The following SHISA5 variants were observed in gnomAD, a reference collection of about 807,000 sequenced individuals.
SHISA5 encodes shisa family member 5.
Under a neutral mutation model 27.5 loss-of-function variants are expected in SHISA5, and 21 were observed. The observed-to-expected ratio is 0.76, with a 90% CI of 0.54 to 1.10. SHISA5 has a LOEUF of 1.10. Among genes scored for constraint, SHISA5 ranks in the 50% least tolerant of loss-of-function variants. The pLI, the probability that SHISA5 is intolerant of heterozygous loss-of-function variation, is 0.00. For synonymous variants in SHISA5, 137 were observed against 142.2 expected (o/e 0.96, Z 0.26); for missense variants, 314 against 336.3 (o/e 0.93, Z 0.52).
Position 48,468,566 on chromosome 3 carries a change from C to T in SHISA5, c.*541G>A. The T allele has an allele frequency of 8.4e-7, 1 of 1,189,632 alleles. No homozygotes were observed. The allele number at this position is 1,189,632 out of a possible 1,614,324, so 73.7% of individuals were successfully genotyped here. A position where few individuals can be genotyped will look rare whatever the true frequency, so the allele number is the denominator to read the frequency against. ...ATCTGCCCAAAGGATCAAAGTCCAA[C>T]TTGGCCAGATCCCAAGCTTCGCCTG... On this transcript the variant is annotated 3_prime_UTR_variant, in exon 6 of 6. Coordinates refer to ENST00000296444, the MANE Select transcript of SHISA5 (RefSeq NM_016479.6).
At chr3:48,486,953 AACCC>A (rs891912417) in intron 2 of SHISA5, among the ~76,000 whole-genome samples, 2 of 151,172 alleles carry the variant, frequency 1.3e-5, no homozygotes, top group Non-Finnish European at 2.9e-5. Flanking sequence ...AGAAAAGAAA[AACCC>A]ACAGGTGGCC....
chr3:48,499,864 CAAA>C (rs55724575), intron 2 of SHISA5, among the ~76,000 whole-genome samples: 2 of 47,036 alleles, frequency 4.3e-5, no homozygotes, highest in Non-Finnish European at 7.8e-5. Flanking sequence ...GACTCCGTCT[CAAA>C]AAAAAAAAAA....
chr3:48,469,159 C>T lies in SHISA5; in HGVS notation c.671G>A (p.Ser224Asn). ...GTAGGCCGGGTTGTAAGGAGGCTGG[C>T]TGGCGGGGTAGGGCGCGGCTGCTCC... ...AGGAAAPYPA[S>N]QPPYNPAYMD... Residue 224 changes from serine (S) to asparagine (N), a missense_variant, in exon 6 of 6, where the codon AGC becomes AAC. Transcript: ENST00000296444. This position sits in a 1 kb window ranked among gnomAD's most constrained non-coding sequence, Gnocchi z 4.6. The T allele has an allele frequency of 6.2e-7, 1 of 1,612,780 alleles. No individual in the cohort carries two copies.
intron 2 of SHISA5, among the ~76,000 whole-genome samples, chr3:48,487,818 C>A (rs186750306): frequency 2.7e-4 from 41 of 152,268 alleles, no homozygotes; most frequent in African/African-American, 9.6e-4. Context: ...ATCGCTTGAA[C>A]CTGGGAGGCA....
chr3:48,480,674 G>C (rs543591623), intron 2 of SHISA5, among the ~76,000 whole-genome samples: 1 of 151,994 alleles, frequency 6.6e-6, no homozygotes, highest in African/African-American at 2.4e-5. Flanking sequence ...CAGGAGAATC[G>C]CTTGAACCCA....
At chr3:48,494,528 C>T (rs1280098451) in intron 2 of SHISA5, among the ~76,000 whole-genome samples, 2 of 147,020 alleles carry the variant, frequency 1.4e-5, no homozygotes, top group African/African-American at 2.7e-5. Flanking sequence ...CTCCTGACCT[C>T]GTGATCCACC....
intron 2 of SHISA5, among the ~76,000 whole-genome samples, chr3:48,489,911 T>C (rs933194758): frequency 2.0e-5 from 3 of 152,114 alleles, no homozygotes; most frequent in African/African-American, 7.2e-5. Context: ...ATTAAAGGCG[T>C]CAGCCATCAT....
At chr3:48,485,680 A>G (rs1221834364) in intron 2 of SHISA5, among the ~76,000 whole-genome samples, 8 of 147,688 alleles carry the variant, frequency 5.4e-5, no homozygotes, top group Non-Finnish European at 1.2e-4. Flanking sequence ...ATATAATATT[A>G]TATACATTTA....
At chr3:48,486,252 T>C (rs1490661597) in intron 2 of SHISA5, among the ~76,000 whole-genome samples, 86 of 180 alleles carry the variant, frequency 0.48, 11 homozygotes, top group African/African-American at 0.54. Flanking sequence ...ATATTATATA[T>C]TATATATAAT....
Position 48,473,182 on chromosome 3 carries a change from T to C in SHISA5, c.315-3339A>G, listed in dbSNP as rs2040704690. The C allele has an allele frequency of 2.1e-6, 3 of 1,436,592 alleles. No homozygotes were observed. The highest frequency in any genetic ancestry group is 2.7e-6 in the Non-Finnish European group (3 of 1,098,458). The allele number at this position is 1,436,592 out of a possible 1,614,324, so 89.0% of individuals were successfully genotyped here. On this transcript the variant is annotated intron_variant, in intron 3 of 5. Coordinates refer to ENST00000296444, the MANE Select transcript of SHISA5 (RefSeq NM_016479.6). This position sits in a 1 kb window ranked among gnomAD's most constrained non-coding sequence, Gnocchi z 4.3. The stretch of plus-strand genomic sequence containing the variant: ...ACAGACGCGAAGCCCCGTTCCACCC[T>C]CTTAAAGACACAGGATGGCCCCGCC...
chr3:48,498,423 A>AG (rs764910510), intron 2 of SHISA5, among the ~76,000 whole-genome samples: 1 of 152,210 alleles, frequency 6.6e-6, no homozygotes, highest in Non-Finnish European at 1.5e-5. Context: ...GCAGTGGCTC[A>AG]TGCCTGTAAT....
At chr3:48,503,206 C>T in intron 1 of SHISA5, 1 of 1,287,766 alleles carries the variant, frequency 7.8e-7, no homozygotes, top group Non-Finnish European at 1.0e-6. Flanking sequence ...GAAGACACAC[C>T]GGTGAGGCTG....
chr3:48,473,287 AGAGCTGCCTCCCT>A lies in SHISA5; in HGVS notation c.315-3457_315-3445del. ...AGCAGAGGTGCCCCATTTGCCTCCC[AGAGCTGCCTCCCT>A]GAGCCAAGCCTACAGGGCCTGACCT... On this transcript the variant is annotated intron_variant, in intron 3 of 5. Transcript: ENST00000296444. The surrounding 1 kb of genome is among the most constrained non-coding windows in gnomAD (Gnocchi z 4.3). 1 of 1,395,040 alleles carries A rather than the reference AGAGCTGCCTCCCT, an allele frequency of 7.2e-7. No homozygotes were observed. The highest frequency in any genetic ancestry group is 9.3e-7 in the Non-Finnish European group (1 of 1,070,458). The allele number at this position is 1,395,040 out of a possible 1,614,324, so 86.4% of individuals were successfully genotyped here. A position where few individuals can be genotyped will look rare whatever the true frequency, so the allele number is the denominator to read the frequency against.
intron 2 of SHISA5, among the ~76,000 whole-genome samples, chr3:48,486,558 TAG>T (rs2107347606): frequency 8.1e-6 from 1 of 124,136 alleles, no homozygotes; most frequent in African/African-American, 3.1e-5. Context: ...ATATATTATA[TAG>T]ATTATAGATT....
At chr3:48,486,789 G>A (rs1478081442) in intron 2 of SHISA5, among the ~76,000 whole-genome samples, 1 of 149,788 alleles carries the variant, frequency 6.7e-6, no homozygotes, top group Non-Finnish European at 1.5e-5. Context: ...GCGCATGCCT[G>A]TAATCCCTGC....
intron 3 of SHISA5, among the ~76,000 whole-genome samples, chr3:48,477,816 T>C (rs774698768): frequency 1.7e-4 from 26 of 152,308 alleles, no homozygotes; most frequent in Non-Finnish European, 3.5e-4. Context: ...AGCTGCTGAA[T>C]GTAAGTCTCC....
intron 2 of SHISA5, among the ~76,000 whole-genome samples, chr3:48,496,560 G>A (rs945086336): frequency 1.3e-5 from 2 of 150,246 alleles, no homozygotes; most frequent in Non-Finnish European, 3.0e-5. Flanking sequence ...ATGAAACCCC[G>A]TCTCTACTAA....
At chr3:48,495,539 G>A (rs1206642632) in intron 2 of SHISA5, among the ~76,000 whole-genome samples, 7 of 145,676 alleles carry the variant, frequency 4.8e-5, no homozygotes, top group African/African-American at 1.9e-4. Context: ...TCGGGGGCAG[G>A]GATGGAGTCT....
At chr3:48,483,546 T>C (rs2041092753) in intron 2 of SHISA5, among the ~76,000 whole-genome samples, 2 of 152,186 alleles carry the variant, frequency 1.3e-5, no homozygotes, top group African/African-American at 2.4e-5. Context: ...CCTTTCCCCC[T>C]TTTCTATCCC....
Sources: allele counts gnomAD v4.1 joint callset (sites outside exome capture counted in the v4.1 genomes callset), GRCh38; gene constraint gnomAD v4.1.1; non-coding constraint Gnocchi (gnomAD v3.1); transcripts MANE v1.5; gene names NCBI Gene and HGNC (gene_info 2026-07-23, HGNC 2026-07-21).